Variants in DLG2 observed in about 807,000 individuals in gnomAD.
DLG2 encodes the protein disks large homolog 2.
Under a neutral mutation model 132.5 loss-of-function variants are expected in DLG2, and 45 were observed. The ratio of observed to expected loss-of-function variants is 0.34; its 90% CI spans 0.27 to 0.44. DLG2 has a LOEUF of 0.44. Among genes scored for constraint, DLG2 ranks in the 20% least tolerant of loss-of-function variants. The pLI, the probability that DLG2 is intolerant of heterozygous loss-of-function variation, is 1.00. For synonymous variants in DLG2, 424 were observed against 419.6 expected (o/e 1.01, Z -0.13); for missense variants, 1,045 against 1,196.9 (o/e 0.87, Z 1.87).
At chr11:84,127,107 G>C (rs1044405513) in intron 9 of DLG2, among the ~76,000 whole-genome samples, 2 of 152,100 alleles carry the variant, frequency 1.3e-5, no homozygotes. Context: ...TATAATCTAG[G>C]ACAAGGATGT....
At chr11:83,460,998 G>T (rs2089833255) in intron 27 of DLG2, among the ~76,000 whole-genome samples, 1 of 131,290 alleles carries the variant, frequency 7.6e-6, no homozygotes, top group Non-Finnish European at 1.6e-5. Flanking sequence ...AAAGTTCTTG[G>T]GTTTTTTTTT....
Position 84,179,690 on chromosome 11 carries a change from T to C in DLG2, c.574-16179A>G, listed in dbSNP as rs561820580. 6.6e-5 allele frequency among the ~76,000 whole-genome samples: 10 copies of C among 152,260 alleles called. No individual in the cohort carries two copies. In the South Asian group the frequency reaches 1.9e-3, roughly 28 times the overall value. On this transcript the variant is annotated intron_variant, in intron 8 of 27. Transcript: ENST00000376104. ...AGTAGGTTAGAGCATTCAGTGCTTC[T>C]TAATAAGGGCTTCTCTCAGGAGAAA...
chr11:84,220,013 A>C (rs10128587), intron 8 of DLG2, among the ~76,000 whole-genome samples: 23,939 of 152,092 alleles, frequency 0.16, 2,093 homozygotes, highest in East Asian at 0.24. Context: ...TACATATCTA[A>C]ATTTTACCAC....
intron 3 of DLG2, among the ~76,000 whole-genome samples, chr11:85,574,585 G>C (rs2078044232): frequency 6.6e-6 from 1 of 152,176 alleles, no homozygotes; most frequent in Non-Finnish European, 1.5e-5. Context: ...AGGGCCTAGT[G>C]GAAGATGTTT....
At chr11:85,228,801 T>A (rs1218403240) in intron 4 of DLG2, among the ~76,000 whole-genome samples, 1 of 151,772 alleles carries the variant, frequency 6.6e-6, no homozygotes, top group East Asian at 1.9e-4. Context: ...CTTTTCATTG[T>A]CATTTCTTAT....
chr11:84,257,189 G>A (rs987273977), intron 7 of DLG2, among the ~76,000 whole-genome samples: 27 of 152,116 alleles, frequency 1.8e-4, no homozygotes, highest in Admixed American at 3.9e-4. Flanking sequence ...GCATGGTTGG[G>A]GGAGTGACTT....
intron 7 of DLG2, among the ~76,000 whole-genome samples, chr11:84,517,891 G>A (rs189230764): frequency 1.2e-3 from 185 of 152,082 alleles, no homozygotes; most frequent in African/African-American, 4.3e-3. Flanking sequence ...AGTGAAATAA[G>A]CCAGTCACAG....
chr11:85,216,884 C>CG (rs1283959506), intron 4 of DLG2, among the ~76,000 whole-genome samples: 1 of 151,918 alleles, frequency 6.6e-6, no homozygotes, highest in Non-Finnish European at 1.5e-5. Context: ...TTATTAGAGA[C>CG]GGGGTTTCAC....
At chr11:85,075,873 G>A (rs1290268605) in intron 6 of DLG2, among the ~76,000 whole-genome samples, 3 of 151,870 alleles carry the variant, frequency 2.0e-5, no homozygotes, top group African/African-American at 7.2e-5. Flanking sequence ...AGGGCAACTT[G>A]TCTACAATGA....
intron 3 of DLG2, among the ~76,000 whole-genome samples, chr11:85,557,375 A>G (rs1448981848): frequency 6.6e-6 from 1 of 151,894 alleles, no homozygotes; most frequent in Non-Finnish European, 1.5e-5. Context: ...AAATGGCCAT[A>G]CTGCCCAAAG....
At chr11:84,331,418 C>G (rs2098457734) in intron 7 of DLG2, among the ~76,000 whole-genome samples, 1 of 149,576 alleles carries the variant, frequency 6.7e-6, no homozygotes, top group South Asian at 2.1e-4. Flanking sequence ...CTGATGCTTC[C>G]CACTTCACCA....
At chr11:83,810,525 C>G (rs1469061274) in intron 17 of DLG2, among the ~76,000 whole-genome samples, 1 of 152,032 alleles carries the variant, frequency 6.6e-6, no homozygotes, top group Non-Finnish European at 1.5e-5. Flanking sequence ...CTTGTGTCAT[C>G]ATTTAGCTTT....
At chr11:84,439,854 CTTAGACAGAA>C (rs2099012323) in intron 7 of DLG2, among the ~76,000 whole-genome samples, 1 of 152,210 alleles carries the variant, frequency 6.6e-6, no homozygotes, top group Non-Finnish European at 1.5e-5. Context: ...TTTTTAACAC[CTTAGACAGAA>C]TCAGACAATA....
intron 18 of DLG2, among the ~76,000 whole-genome samples, chr11:83,776,182 A>G (rs2094577487): frequency 6.6e-6 from 1 of 152,170 alleles, no homozygotes; most frequent in African/African-American, 2.4e-5. Context: ...TTAATTAGCC[A>G]ATCATGCTTT....
At position 83,541,708 on chromosome 11, in the gene DLG2, C is replaced by A. The variant is rs544596873; in HGVS notation, c.2091G>T (p.Glu697Asp). ...TCCTTTTGCTGGGGATGACCCCCAT[C>A]TCCTCACTGTCTCCCTCCAGCATGA... is the stretch of plus-strand genomic sequence containing the variant. ...RRVMLEGDSEEMGVIPSKRRV... is the reference protein window; with the variant it reads ...RRVMLEGDSEDMGVIPSKRRV... Residue 697 changes from glutamate to aspartate, a missense_variant, in exon 20 of 28, where the codon GAG (glutamate) becomes GAT (aspartate). Around this residue, in one of 4 missense-constraint regions of DLG2, gnomAD observed 398 missense variants for 543.6 expected, o/e 0.73. Transcript: ENST00000376104. The A allele has an allele frequency of 2.4e-5, 38 of 1,610,642 alleles. No homozygotes were observed. The South Asian group carries it at 4.0e-4, about 17-fold the overall frequency.
Position 84,243,017 on chromosome 11 carries a change from C to CTCTCTATA in DLG2, c.573+8220_573+8221insTATAGAGA, listed in dbSNP as rs542476924. Among the ~76,000 whole-genome samples, 739 of 142,156 alleles carry CTCTCTATA rather than the reference C, an allele frequency of 5.2e-3. 3 individuals are homozygous for CTCTCTATA. Among genetic ancestry groups the CTCTCTATA allele is most frequent in the Middle Eastern group, 7.6e-3 (2 of 262 alleles). The allele number at this position is 142,156 out of a possible 152,430, so 93.3% of individuals were successfully genotyped here. A position where few individuals can be genotyped will look rare whatever the true frequency, so the allele number is the denominator to read the frequency against. ...GTTCTCTCTCTCTCTCTCTCTCTCT[C>CTCTCTATA]TATATATATATATATATATATACAC... is the stretch of plus-strand genomic sequence containing the variant. On this transcript the variant is annotated intron_variant, in intron 8 of 27. Coordinates refer to ENST00000376104, the MANE Select transcript of DLG2 (RefSeq NM_001142699.3).
At chr11:85,538,568 T>A (rs371840068) in intron 3 of DLG2, among the ~76,000 whole-genome samples, 1 of 151,834 alleles carries the variant, frequency 6.6e-6, no homozygotes, top group South Asian at 2.1e-4. Flanking sequence ...CTTTTCACAA[T>A]AGCAAAGACA....
intron 6 of DLG2, among the ~76,000 whole-genome samples, chr11:84,991,346 A>C (rs1308205180): frequency 6.6e-6 from 1 of 151,892 alleles, no homozygotes; most frequent in Non-Finnish European, 1.5e-5. Flanking sequence ...CCGTCTCTAC[A>C]AACAATATAA....
chr11:85,551,777 T>C (rs1226366389), intron 3 of DLG2, among the ~76,000 whole-genome samples: 1 of 152,032 alleles, frequency 6.6e-6, no homozygotes, highest in Non-Finnish European at 1.5e-5. Context: ...CCACAATGAG[T>C]AGCTGATGTT....
Sources: allele counts gnomAD v4.1 joint callset (sites outside exome capture counted in the v4.1 genomes callset), GRCh38; gene constraint gnomAD v4.1.1; regional missense constraint gnomAD v4.1.1; transcripts MANE v1.5; gene names NCBI Gene and HGNC (gene_info 2026-07-23, HGNC 2026-07-21).